Variants in ADPRHL1 observed in about 807,000 individuals in gnomAD.
The protein encoded by ADPRHL1 is inactive ADP-ribosyltransferase ARH2.
A neutral mutation model predicts 44.1 loss-of-function variants in ADPRHL1; 43 were observed. The observed-to-expected ratio is 0.98, with a 90% CI of 0.76 to 1.26. The LOEUF is 1.26. Among genes scored for constraint, ADPRHL1 ranks in the 50% most tolerant of loss-of-function variants. The pLI, the probability that ADPRHL1 is intolerant of heterozygous loss-of-function variation, is 0.00. For missense variants in ADPRHL1, 2,022 were observed against 2,496.9 expected, an observed-to-expected ratio of 0.81 and a Z score of 4.05; for synonymous variants, 878 against 1,017.4, an observed-to-expected ratio of 0.86 and a Z score of 2.61.
At position 113,407,466 on chromosome 13, in the gene ADPRHL1, G is replaced by A. The variant is rs2043817431; in HGVS notation, c.1816C>T (p.Pro606Ser). 5 of 1,231,942 alleles carry A rather than the reference G, an allele frequency of 4.1e-6. No homozygotes were observed. The highest frequency in any genetic ancestry group is 1.6e-5 in the African/African-American group (1 of 64,430). The allele number at this position is 1,231,942 out of a possible 1,614,324, so 76.3% of individuals were successfully genotyped here. A position where few individuals can be genotyped will look rare whatever the true frequency, so the allele number is the denominator to read the frequency against. ...ATMASTCVKMPPARFLACTAE... is the reference protein window; with the variant it reads ...ATMASTCVKMSPARFLACTAE... Reference sequence around the variant, plus strand: ...GTGCAGGCCAGAAAGCGGGCAGGGGGCATCTTGACGCAGGTGCTGGCCATG... The same window carrying A: ...GTGCAGGCCAGAAAGCGGGCAGGGGACATCTTGACGCAGGTGCTGGCCATG... The change falls in exon 8 of 8, where the codon CCC (proline) becomes TCC (serine). Residue 606 changes from proline (P) to serine (S), a missense_variant. By Grantham distance (74) the Pro-to-Ser change is moderately conservative. Around this residue, in one of 8 missense-constraint regions of ADPRHL1, gnomAD observed 1,221 missense variants for 1,517.8 expected, o/e 0.80. Transcript: ENST00000612156.
chr13:113,407,492 G>A lies in ADPRHL1; in HGVS notation c.1790C>T (p.Thr597Ile). The change falls in exon 8 of 8, where the codon ACC (threonine) becomes ATC (isoleucine). Residue 597 changes from threonine (T) to isoleucine (I), a missense_variant. By Grantham distance (89) the Thr-to-Ile change is moderately conservative. Transcript: ENST00000612156. Reference protein sequence around the residue: ...RPEVRVLHTATMASTCVKMPP... With the variant: ...RPEVRVLHTAIMASTCVKMPP... Reference sequence around the variant, plus strand: ...CATCTTGACGCAGGTGCTGGCCATGGTGGCCGTGTGCAGCACGCGCACCTC... The same window carrying A: ...CATCTTGACGCAGGTGCTGGCCATGATGGCCGTGTGCAGCACGCGCACCTC... The A allele has an allele frequency of 8.1e-7, 1 of 1,232,138 alleles. No individual in the cohort carries two copies. Among genetic ancestry groups the A allele is most frequent in the Non-Finnish European group, 1.0e-6 (1 of 988,068 alleles). The allele number at this position is 1,232,138 out of a possible 1,614,324, so 76.3% of individuals were successfully genotyped here. A position where few individuals can be genotyped will look rare whatever the true frequency, so the allele number is the denominator to read the frequency against.
chr13:113,446,831 T>G (rs1181415818), intron 1 of ADPRHL1, among the ~76,000 whole-genome samples: 2 of 151,830 alleles, frequency 1.3e-5, no homozygotes, highest in African/African-American at 4.8e-5. Context: ...GTTGTCTACA[T>G]GCACGGTGTT....
intron 3 of ADPRHL1, among the ~76,000 whole-genome samples, chr13:113,430,503 A>G (rs1006676126): frequency 2.6e-5 from 4 of 152,178 alleles, no homozygotes; most frequent in African/African-American, 9.7e-5. Flanking sequence ...TGACAGTACC[A>G]GTAGCAGCAG....
Position 113,424,318 on chromosome 13 carries a change from C to T in ADPRHL1, c.806G>A (p.Gly269Glu), listed in dbSNP as rs776317103. 1 of 1,612,836 alleles carries T rather than the reference C, an allele frequency of 6.2e-7. No individual in the cohort carries two copies. Among genetic ancestry groups the T allele is most frequent in the Non-Finnish European group, 8.5e-7 (1 of 1,179,912 alleles). The change falls in exon 6 of 8, where the codon GGG becomes GAG. Residue 269 changes from glycine (G) to glutamate (E), a missense_variant. Physicochemically the swap from Gly to Glu is moderately conservative, Grantham distance 98. Coordinates refer to ENST00000612156, the MANE Select transcript of ADPRHL1 (RefSeq NM_001394807.1). ...TYRKWSSEGR[G>E]GRRGHDAPMI... Reference sequence around the variant, plus strand: ...GGGGGCATCGTGGCCTCGTCTTCCCCCTCGACCTTCCGAGCTCCACTTCCT... The same window carrying T: ...GGGGGCATCGTGGCCTCGTCTTCCCTCTCGACCTTCCGAGCTCCACTTCCT...
intron 7 of ADPRHL1, among the ~76,000 whole-genome samples, chr13:113,410,295 C>A (rs771159414): frequency 6.6e-6 from 1 of 152,188 alleles, no homozygotes; most frequent in Admixed American, 6.5e-5. Flanking sequence ...GATCAAGAGG[C>A]CTTGCTGAGA....
At chr13:113,432,738 G>A (rs1201030092) in intron 3 of ADPRHL1, among the ~76,000 whole-genome samples, 1 of 151,744 alleles carries the variant, frequency 6.6e-6, no homozygotes, top group African/African-American at 2.4e-5. Context: ...CGGAGGGGTG[G>A]GCAGCTCTGC....
At chr13:113,410,414 G>A (rs2043843847) in intron 7 of ADPRHL1, among the ~76,000 whole-genome samples, 1 of 152,130 alleles carries the variant, frequency 6.6e-6, no homozygotes, top group South Asian at 2.1e-4. Flanking sequence ...GCTGGTCCGG[G>A]GACCCCACTC....
intron 7 of ADPRHL1, among the ~76,000 whole-genome samples, chr13:113,414,211 G>A (rs1182203418): frequency 6.6e-6 from 1 of 152,120 alleles, no homozygotes. Context: ...TCAGAACACG[G>A]ACCAGCCTCA....
Position 113,405,031 on chromosome 13 carries a change from C to T in ADPRHL1, c.4251G>A (p.Trp1417Ter). The change falls in exon 8 of 8, where the codon TGG becomes TGA. Residue 1417 changes from tryptophan to a stop codon, truncating the protein, a stop_gained. Transcript: ENST00000612156. LOFTEE classifies it low-confidence loss of function (END_TRUNC). ...VLNPAKEPQTWWAQDLAGDKG... is the reference protein window; with the variant it reads ...VLNPAKEPQT ...TGTCCCCGGCCAGATCCTGTGCCCA[C>T]CATGTCTGAGGCTCTTTTGCTGGGT... 1.6e-6 allele frequency: 2 copies of T among 1,232,864 alleles called. No homozygotes were observed. Among genetic ancestry groups the T allele is most frequent in the Non-Finnish European group, 2.0e-6 (2 of 988,714 alleles). 76.4% of individuals were successfully genotyped at this position (1,232,864 alleles called of 1,614,324 possible).
intron 1 of ADPRHL1, among the ~76,000 whole-genome samples, chr13:113,449,704 G>A (rs1196331923): frequency 6.6e-6 from 1 of 152,220 alleles, no homozygotes; most frequent in East Asian, 1.9e-4. Context: ...CTCGTGGGGT[G>A]AAGGACTTTT....
rs755982883 is a variant in ADPRHL1 at position 113,422,933 on chromosome 13, C to T, written c.954G>A (p.Leu318=). The T allele has an allele frequency of 3.1e-6, 5 of 1,612,932 alleles. No homozygotes were observed. Among genetic ancestry groups the T allele is most frequent in the Non-Finnish European group, 4.2e-6 (5 of 1,179,986 alleles). Residue 318 remains leucine (L), a synonymous_variant, in exon 7 of 8, where the codon TTG becomes TTA. Coordinates refer to ENST00000612156, the MANE Select transcript of ADPRHL1 (RefSeq NM_001394807.1). The part of the protein sequence containing the change: ...TGTIAGCLFG[L]LYGLDLVPKG... The stretch of plus-strand genomic sequence containing the variant: ...TGGGAACGAGGTCCAGGCCGTACAG[C>T]AACCCGAACAGGCAGCCTGCAATGG...
In ADPRHL1 at chr13:113,405,378, C is replaced by T. The variant is rs909072149; in HGVS notation, c.3904G>A (p.Val1302Ile). The T allele has an allele frequency of 1.1e-5, 13 of 1,231,796 alleles. No homozygotes were observed. Among genetic ancestry groups the T allele is most frequent in the South Asian group, 4.1e-5 (1 of 24,330 alleles). The allele number at this position is 1,231,796 out of a possible 1,614,324, so 76.3% of individuals were successfully genotyped here. Residue 1302 changes from valine (V) to isoleucine (I), a missense_variant, in exon 8 of 8, where the codon GTC becomes ATC. Around this residue, in one of 8 missense-constraint regions of ADPRHL1, gnomAD observed 1,221 missense variants for 1,517.8 expected, o/e 0.80. Transcript: ENST00000612156. ...ENPQAKGREG[V>I]RFPRGAEPDH... Reference sequence around the variant, plus strand: ...GGCTCCGCCCCACGGGGAAACCTGACGCCCTCCCTGCCCTTTGCCTGTGGG... The same window carrying T: ...GGCTCCGCCCCACGGGGAAACCTGATGCCCTCCCTGCCCTTTGCCTGTGGG...
chr13:113,419,055 TCTCCTTCCTTCACTCC>T lies in ADPRHL1; in HGVS notation c.1061+3755_1061+3770del, dbSNP rs1566470047. 3.0e-4 allele frequency among the ~76,000 whole-genome samples: 38 copies of T among 126,202 alleles called. No homozygotes were observed. In the East Asian group the frequency reaches 3.0e-3, roughly 10 times the overall value. 82.8% of individuals were successfully genotyped at this position (126,202 alleles called of 152,430 possible). A position where few individuals can be genotyped will look rare whatever the true frequency, so the allele number is the denominator to read the frequency against. ...CTTCCCCTCCCCTTCCCTTCCTTCT[TCTCCTTCCTTCACTCC>T]CTCCTTCCTTCCTTCTTCCCTCCCT... On this transcript the variant is annotated intron_variant, in intron 7 of 7. Coordinates refer to ENST00000612156, the MANE Select transcript of ADPRHL1 (RefSeq NM_001394807.1).
chr13:113,425,143 C>A lies in ADPRHL1; in HGVS notation c.683G>T (p.Trp228Leu). The A allele has an allele frequency of 6.2e-7, 1 of 1,601,330 alleles. No homozygotes were observed. Among genetic ancestry groups the A allele is most frequent in the South Asian group, 1.1e-5 (1 of 90,916 alleles). Reference sequence around the variant, plus strand: ...TTTCCTCTCCTCCAAATAAAATTGCCATTTAGCTTCAAAGTAAAACCAGTG... The same window carrying A: ...TTTCCTCTCCTCCAAATAAAATTGCAATTTAGCTTCAAAGTAAAACCAGTG... ...QEHWFYFEAK[W>L]QFYLEERKIS... is the part of the protein sequence containing the mutation. Residue 228 changes from tryptophan (W) to leucine (L), a missense_variant, in exon 5 of 8, where the codon TGG becomes TTG. By Grantham distance (61) the Trp-to-Leu change is moderately conservative. Coordinates refer to ENST00000612156, the MANE Select transcript of ADPRHL1 (RefSeq NM_001394807.1).
Position 113,407,977 on chromosome 13 carries a change from C to A in ADPRHL1, c.1305G>T (p.Lys435Asn). 8.1e-7 allele frequency: 1 copy of A among 1,232,198 alleles called. No individual in the cohort carries two copies. Among genetic ancestry groups the A allele is most frequent in the Non-Finnish European group, 1.0e-6 (1 of 988,098 alleles). The allele number at this position is 1,232,198 out of a possible 1,614,324, so 76.3% of individuals were successfully genotyped here. A position where few individuals can be genotyped will look rare whatever the true frequency, so the allele number is the denominator to read the frequency against. ...RPTRFQLLQAKFLGTGRERYL... is the reference protein window; with the variant it reads ...RPTRFQLLQANFLGTGRERYL... ...AGCGCTCCCGGCCAGTGCCCAGGAA[C>A]TTGGCCTGCAGGAGCTGGAAGCGCG... Residue 435 changes from lysine to asparagine, a missense_variant, in exon 8 of 8, where the codon AAG becomes AAT. Lys to Asn is a moderately conservative substitution (Grantham distance 94). This residue lies in a region of ADPRHL1 where 1,221 missense variants were observed against 1,517.8 expected (regional missense o/e 0.80). Coordinates refer to ENST00000612156, the MANE Select transcript of ADPRHL1 (RefSeq NM_001394807.1).
At chr13:113,438,276 A>G (rs147610404) in intron 2 of ADPRHL1, among the ~76,000 whole-genome samples, 1 of 152,292 alleles carries the variant, frequency 6.6e-6, no homozygotes, top group Non-Finnish European at 1.5e-5. Context: ...TAGTTATGTA[A>G]TGGTATCTCA....
intron 2 of ADPRHL1, among the ~76,000 whole-genome samples, chr13:113,437,661 G>T (rs1312674435): frequency 6.6e-6 from 1 of 152,186 alleles, no homozygotes; most frequent in African/African-American, 2.4e-5. Context: ...TGGCTGAATA[G>T]CTCCCTCTTG....
chr13:113,440,327 C>T (rs994256587), intron 2 of ADPRHL1, among the ~76,000 whole-genome samples: 3 of 152,152 alleles, frequency 2.0e-5, no homozygotes, highest in African/African-American at 4.8e-5. Flanking sequence ...ATGAACTGAT[C>T]CATTTACTAG....
At chr13:113,450,198 G>T (rs943054688) in intron 1 of ADPRHL1, among the ~76,000 whole-genome samples, 1 of 152,170 alleles carries the variant, frequency 6.6e-6, no homozygotes, top group East Asian at 1.9e-4. Flanking sequence ...GATTGCAGAC[G>T]TGAGCCACTG....
Sources: allele counts gnomAD v4.1 joint callset (sites outside exome capture counted in the v4.1 genomes callset), GRCh38; gene constraint gnomAD v4.1.1; regional missense constraint gnomAD v4.1.1; transcripts MANE v1.5; gene names NCBI Gene and HGNC (gene_info 2026-07-23, HGNC 2026-07-21).